The following RYR3 variants were observed in gnomAD, a reference collection of about 807,000 sequenced individuals.
RYR3 encodes ryanodine receptor 3.
A neutral mutation model predicts 584.3 loss-of-function variants in RYR3; 207 were observed. The observed-to-expected ratio is 0.35, with a 90% CI of 0.32 to 0.40. RYR3 has a LOEUF of 0.40. Among genes scored for constraint, RYR3 ranks in the 10% least tolerant of loss-of-function variants. The pLI, the probability that RYR3 is intolerant of heterozygous loss-of-function variation, is 1.00. For missense variants in RYR3, 5,616 were observed against 6,089.2 expected, an observed-to-expected ratio of 0.92 and a Z score of 2.59; for synonymous variants, 2,416 against 2,248.5, an observed-to-expected ratio of 1.07 and a Z score of -2.11.
chr15:33,791,172 C>G (rs1283950526), intron 67 of RYR3, among the ~76,000 whole-genome samples: 1 of 152,162 alleles, frequency 6.6e-6, no homozygotes, highest in Non-Finnish European at 1.5e-5. Context: ...GAAATGTGGC[C>G]AAGAGAGGAG....
chr15:33,820,671 C>T, intron 77 of RYR3, 85 bp from the exon 78 acceptor site: 1 of 1,217,790 alleles, frequency 8.2e-7, no homozygotes, highest in Admixed American at 2.1e-5. Context: ...TACGTCCTGT[C>T]CCCTGCCCTT....
chr15:33,567,138 A>G (rs2057759283), intron 12 of RYR3, among the ~76,000 whole-genome samples: 1 of 152,148 alleles, frequency 6.6e-6, no homozygotes, highest in African/African-American at 2.4e-5. Flanking sequence ...AGAGGAACTG[A>G]TACACTCCCC....
intron 42 of RYR3, among the ~76,000 whole-genome samples, chr15:33,705,766 G>A (rs1209634873): frequency 1.3e-5 from 2 of 152,194 alleles, no homozygotes; most frequent in South Asian, 2.1e-4. Context: ...TTGGACAGCT[G>A]TTGTGGATGC....
intron 1 of RYR3, among the ~76,000 whole-genome samples, chr15:33,370,246 G>A (rs2040233876): frequency 6.6e-6 from 1 of 152,168 alleles, no homozygotes; most frequent in African/African-American, 2.4e-5. Context: ...CATCTGAGCA[G>A]GTTTGAGTAG....
chr15:33,397,446 C>A (rs2042367030), intron 1 of RYR3, among the ~76,000 whole-genome samples: 1 of 152,274 alleles, frequency 6.6e-6, no homozygotes, highest in Admixed American at 6.5e-5. Flanking sequence ...TTTCAGGACA[C>A]AAAGACACAC....
chr15:33,525,187 C>G (rs2141000048), intron 3 of RYR3, among the ~76,000 whole-genome samples: 1 of 152,314 alleles, frequency 6.6e-6, no homozygotes. Context: ...CTCACAGAGA[C>G]TTGTGCTTAA....
intron 5 of RYR3, among the ~76,000 whole-genome samples, chr15:33,538,197 C>T (rs993988223): frequency 1.1e-4 from 16 of 152,120 alleles, no homozygotes; most frequent in African/African-American, 3.4e-4. Context: ...AGACCTTCCT[C>T]GGTTGTCAGG....
intron 48 of RYR3, among the ~76,000 whole-genome samples, chr15:33,734,350 T>G (rs1251864405): frequency 1.3e-5 from 2 of 152,228 alleles, no homozygotes. Context: ...TTTTGCACTT[T>G]GCCGCTTCAA....
chr15:33,480,324 C>T (rs558745638), intron 2 of RYR3, among the ~76,000 whole-genome samples: 1 of 152,178 alleles, frequency 6.6e-6, no homozygotes, highest in Non-Finnish European at 1.5e-5. Flanking sequence ...CAAACTGTAC[C>T]CATCTCATAG....
intron 27 of RYR3, among the ~76,000 whole-genome samples, chr15:33,643,799 T>C (rs991292696): frequency 6.6e-6 from 1 of 152,126 alleles, no homozygotes; most frequent in African/African-American, 2.4e-5. Flanking sequence ...ATGAAATACA[T>C]AGAGATAGTA....
intron 66 of RYR3, among the ~76,000 whole-genome samples, chr15:33,787,793 G>C (rs1449882059): frequency 1.3e-5 from 2 of 152,204 alleles, no homozygotes; most frequent in Non-Finnish European, 2.9e-5. Context: ...AGCATATACT[G>C]AGTGCCCGCT....
At chr15:33,554,489 G>T (rs1345148031) in intron 10 of RYR3, among the ~76,000 whole-genome samples, 1 of 151,874 alleles carries the variant, frequency 6.6e-6, no homozygotes, top group African/African-American at 2.4e-5. Context: ...GTAGAGACGG[G>T]GTTTCACTAT....
chr15:33,816,850 C>G lies in RYR3; in HGVS notation c.10503-12C>G, dbSNP rs776056907. 6 of 1,594,440 alleles carry G rather than the reference C, an allele frequency of 3.8e-6. No individual in the cohort carries two copies. In the African/African-American group the frequency reaches 6.7e-5, roughly 18 times the overall value. ...GATCCCTCTTGACCTCCCTCTCACC[C>G]CTTCCGCTCAGGCACCGCTCTATTA... On this transcript the variant is annotated splice_polypyrimidine_tract_variant and intron_variant, in intron 74 of 103. Coordinates refer to ENST00000634891, the MANE Select transcript of RYR3 (RefSeq NM_001036.6).
chr15:33,631,128 T>C (rs1469752716), intron 22 of RYR3, 82 bp from the exon 23 acceptor site: 1 of 866,188 alleles, frequency 1.2e-6, no homozygotes, highest in Non-Finnish European at 1.8e-6. Context: ...TCTTGTCTGT[T>C]TTCAACTCGG....
At chr15:33,401,138 G>A (rs914934175) in intron 1 of RYR3, among the ~76,000 whole-genome samples, 5 of 152,154 alleles carry the variant, frequency 3.3e-5, no homozygotes, top group South Asian at 2.1e-4. Context: ...GTTATTTAGC[G>A]GTCTCTTCTG....
intron 1 of RYR3, among the ~76,000 whole-genome samples, chr15:33,323,623 G>A (rs185212476): frequency 2.5e-4 from 38 of 152,258 alleles, no homozygotes; most frequent in Non-Finnish European, 4.4e-5. Context: ...AATCTAAATA[G>A]CTCTCCCACC....
chr15:33,418,329 GTTT>G (rs775218592), intron 1 of RYR3, among the ~76,000 whole-genome samples: 3 of 143,756 alleles, frequency 2.1e-5, no homozygotes, highest in Admixed American at 1.4e-4. Context: ...TCGTTGGCAG[GTTT>G]TTTTTTTTTA....
intron 31 of RYR3, 85 bp from the exon 32 acceptor site, chr15:33,652,633 A>G: frequency 1.4e-6 from 2 of 1,408,844 alleles, no homozygotes; most frequent in Non-Finnish European, 1.9e-6. Flanking sequence ...TTCTGTAGCC[A>G]TTTTCATTTT....
intron 17 of RYR3, 144 bp from the exon 18 acceptor site, chr15:33,602,979 C>G: frequency 1.2e-6 from 1 of 836,290 alleles, no homozygotes; most frequent in South Asian, 1.8e-5. Context: ...TTTAGAGATC[C>G]CTCCCATCTT....
Sources: allele counts gnomAD v4.1 joint callset (sites outside exome capture counted in the v4.1 genomes callset), GRCh38; gene constraint gnomAD v4.1.1; transcripts MANE v1.5; gene names NCBI Gene and HGNC (gene_info 2026-07-23, HGNC 2026-07-21).